The following NCS1 variants were observed in gnomAD, a reference collection of about 807,000 sequenced individuals.
The protein encoded by NCS1 is frequenin homolog.
Under a neutral mutation model 28.4 loss-of-function variants are expected in NCS1, and 6 were observed. That is an observed-to-expected ratio of 0.21 (90% CI 0.12 to 0.42). The LOEUF is 0.42. NCS1 is among the 10% of genes least tolerant of loss of function. The pLI, the probability that NCS1 is intolerant of heterozygous loss-of-function variation, is 1.00. For synonymous variants in NCS1, 86 were observed against 99.3 expected (o/e 0.87, Z 0.79); for missense variants, 131 against 241.4 (o/e 0.54, Z 3.03).
In NCS1 at chr9:130,233,373, C is replaced by T. The variant is rs1833524010; in HGVS notation, c.*401C>T. ...TACCTTCTGTCCTAGAAGACACAGA[C>T]TGACAGATGGGGTGAAGGCCTGGGG... On this transcript the variant is annotated 3_prime_UTR_variant, in exon 8 of 8. Coordinates refer to ENST00000372398, the MANE Select transcript of NCS1 (RefSeq NM_014286.4). The surrounding 1 kb of genome is among the most constrained non-coding windows in gnomAD (Gnocchi z 4.8). The T allele has an allele frequency of 6.6e-6, 1 of 152,400 alleles. No homozygotes were observed. Among genetic ancestry groups the T allele is most frequent in the Admixed American group, 6.5e-5 (1 of 15,270 alleles). 9.4% of individuals were successfully genotyped at this position (152,400 alleles called of 1,614,324 possible).
At chr9:130,196,367 A>C (rs1323338809) in intron 1 of NCS1, among the ~76,000 whole-genome samples, 1 of 152,186 alleles carries the variant, frequency 6.6e-6, no homozygotes. Flanking sequence ...CTCTTTCTAC[A>C]TACGTGAGTG....
intron 1 of NCS1, among the ~76,000 whole-genome samples, chr9:130,189,906 A>G (rs1832794911): frequency 7.7e-6 from 1 of 130,574 alleles, no homozygotes; most frequent in Non-Finnish European, 1.6e-5. Context: ...ATATATATAT[A>G]TATTCCCAAG....
chr9:130,173,049 C>T (rs1832509111), intron 1 of NCS1, among the ~76,000 whole-genome samples: 1 of 152,108 alleles, frequency 6.6e-6, no homozygotes, highest in Non-Finnish European at 1.5e-5. Context: ...GGGGCTGTTG[C>T]CAGGGTGGGG....
rs192546468 is a variant in NCS1 at position 130,232,095 on chromosome 9, C to G, written c.*18-895C>G. 5.2e-4 allele frequency among the ~76,000 whole-genome samples: 79 copies of G among 152,186 alleles called. No homozygotes were observed. In the East Asian group the frequency reaches 0.014, roughly 26 times the overall value. ...CCAAGCAGCTGGAATTATAGGTGTG[C>G]GCAGCCACGTCCGGCTAATTTTTGT... On this transcript the variant is annotated intron_variant, in intron 7 of 7. Coordinates refer to ENST00000372398, the MANE Select transcript of NCS1 (RefSeq NM_014286.4). The surrounding 1 kb of genome is among the most constrained non-coding windows in gnomAD (Gnocchi z 4.4).
rs111278657 is a variant in NCS1 at position 130,177,352 on chromosome 9, A to G, written c.64+4625A>G. Among the ~76,000 whole-genome samples, 3,437 of 152,286 alleles carry G rather than the reference A, an allele frequency of 0.023. 58 individuals are homozygous for G. The highest frequency in any genetic ancestry group is 0.036 in the African/African-American group (1,483 of 41,546). ...CAGGGTGGGCCAAGCTGCTGCCTTC[A>G]GGAGGCAGTCACTGGAGACCATCTT... On this transcript the variant is annotated intron_variant, in intron 1 of 7. Transcript: ENST00000372398. This position sits in a 1 kb window ranked among gnomAD's most constrained non-coding sequence, Gnocchi z 4.4.
chr9:130,182,218 A>G (rs1174654142), intron 1 of NCS1, among the ~76,000 whole-genome samples: 1 of 152,186 alleles, frequency 6.6e-6, no homozygotes, highest in Non-Finnish European at 1.5e-5. Flanking sequence ...GACACGCCCA[A>G]GTCCCCCCAG....
chr9:130,195,585 G>T (rs1429403190), intron 1 of NCS1, among the ~76,000 whole-genome samples: 1 of 152,120 alleles, frequency 6.6e-6, no homozygotes, highest in Non-Finnish European at 1.5e-5. Flanking sequence ...CACCACACCC[G>T]GCTAATTTTT....
intron 2 of NCS1, among the ~76,000 whole-genome samples, chr9:130,207,827 G>A (rs1452849636): frequency 2.0e-5 from 3 of 152,216 alleles, no homozygotes; most frequent in African/African-American, 7.2e-5. Flanking sequence ...TGAGCTGCTG[G>A]TGCCGTTGTC....
chr9:130,199,848 C>T (rs1832918414), intron 1 of NCS1, among the ~76,000 whole-genome samples: 1 of 152,202 alleles, frequency 6.6e-6, no homozygotes, highest in Non-Finnish European at 1.5e-5. Flanking sequence ...ATTCTAGTTC[C>T]TTTACTCATC....
At chr9:130,197,194 C>T (rs1554906944) in intron 1 of NCS1, among the ~76,000 whole-genome samples, 2 of 152,134 alleles carry the variant, frequency 1.3e-5, no homozygotes, top group African/African-American at 4.8e-5. Context: ...TGATCAAGGA[C>T]GGTGGCTTTT....
Position 130,216,988 on chromosome 9 carries a change from T to C in NCS1, c.90-844T>C, listed in dbSNP as rs561965964. 2.0e-5 allele frequency among the ~76,000 whole-genome samples: 3 copies of C among 152,264 alleles called. No individual in the cohort carries two copies. In the South Asian group the frequency reaches 6.2e-4, roughly 32 times the overall value. The stretch of plus-strand genomic sequence containing the variant: ...GGGTTTAGAACAACACATATTTAAG[T>C]TCACAATTCTAAAGATCACACTCTC... On this transcript the variant is annotated intron_variant, in intron 2 of 7. Coordinates refer to ENST00000372398, the MANE Select transcript of NCS1 (RefSeq NM_014286.4).
intron 2 of NCS1, among the ~76,000 whole-genome samples, chr9:130,212,280 G>C (rs1481030677): frequency 6.6e-6 from 1 of 152,086 alleles, no homozygotes; most frequent in East Asian, 1.9e-4. Context: ...AGACCATCTG[G>C]TCCAGTGGTT....
In NCS1 at chr9:130,177,473, C is replaced by T. The variant is rs1554904732; in HGVS notation, c.64+4746C>T. On this transcript the variant is annotated intron_variant, in intron 1 of 7. Transcript: ENST00000372398. This position sits in a 1 kb window ranked among gnomAD's most constrained non-coding sequence, Gnocchi z 4.4. ...CCACAAGGAGAGGAAAGGACCAAAG[C>T]AAGGGAGGGGCTTCGGCCGTCCCTG... Among the ~76,000 whole-genome samples the T allele has an allele frequency of 6.6e-6, 1 of 152,200 alleles. No individual in the cohort carries two copies. Among genetic ancestry groups the T allele is most frequent in the Non-Finnish European group, 1.5e-5 (1 of 68,036 alleles).
chr9:130,200,926 C>T (rs1554907410), intron 1 of NCS1, 32 bp from the exon 2 acceptor site: 5 of 1,614,096 alleles, frequency 3.1e-6, no homozygotes. Flanking sequence ...CTTCCCTGAG[C>T]TAAAAGCCTA....
intron 1 of NCS1, among the ~76,000 whole-genome samples, chr9:130,198,289 C>T (rs1564706860): frequency 1.3e-5 from 2 of 151,992 alleles, no homozygotes; most frequent in Admixed American, 1.3e-4. Flanking sequence ...GAGGCAGAGC[C>T]CTGGGGGAAG....
Position 130,219,191 on chromosome 9 carries a change from G to A in NCS1, c.229-534G>A, listed in dbSNP as rs76549473. Among the ~76,000 whole-genome samples the A allele has an allele frequency of 6.3e-3, 963 of 152,204 alleles. 11 individuals carry two copies. Among genetic ancestry groups the A allele is most frequent in the African/African-American group, 0.022 (932 of 41,522 alleles). On this transcript the variant is annotated intron_variant, in intron 3 of 7. Coordinates refer to ENST00000372398, the MANE Select transcript of NCS1 (RefSeq NM_014286.4). This position sits in a 1 kb window ranked among gnomAD's most constrained non-coding sequence, Gnocchi z 5.7. ...CTCTGTACCCCCTGCTGCTGGCACC[G>A]TGGAGGTTTCTATTCTATCCCATCC...
intron 6 of NCS1, among the ~76,000 whole-genome samples, chr9:130,223,709 T>C (rs1487812777): frequency 1.3e-5 from 2 of 152,138 alleles, no homozygotes; most frequent in Admixed American, 6.5e-5. Flanking sequence ...GCAGGTCCTG[T>C]TGGGGACCGT....
At chr9:130,198,127 G>A (rs1257753417) in intron 1 of NCS1, among the ~76,000 whole-genome samples, 1 of 152,194 alleles carries the variant, frequency 6.6e-6, no homozygotes, top group Non-Finnish European at 1.5e-5. Context: ...CCCCACCCTA[G>A]CTCCGGTTCC....
intron 6 of NCS1, 62 bp downstream of exon 6, chr9:130,223,221 G>A (rs1246041858): frequency 2.0e-6 from 3 of 1,495,240 alleles, no homozygotes. Flanking sequence ...GGCAGGAATT[G>A]GAGTCCCTGG....
Sources: gnomAD v4.1 joint callset for allele counts (sites outside exome capture counted in the v4.1 genomes callset) on GRCh38, gnomAD v4.1.1 for gene constraint, Gnocchi (gnomAD v3.1) non-coding constraint, MANE v1.5 for transcripts, NCBI Gene and HGNC (gene_info 2026-07-23, HGNC 2026-07-21) for gene names.